Variants in TTLL7 observed in about 807,000 individuals in gnomAD.
The protein encoded by TTLL7 is tubulin tyrosine ligase like 7, also known as tubulin polyglutamylase TTLL7.
A neutral mutation model predicts 120.2 loss-of-function variants in TTLL7; 53 were observed. The ratio of observed to expected loss-of-function variants is 0.44; its 90% CI spans 0.35 to 0.55. The LOEUF is 0.55. Among genes scored for constraint, TTLL7 ranks in the 20% least tolerant of loss-of-function variants. The pLI is 0.00. For synonymous variants in TTLL7, 353 were observed against 351.7 expected (o/e 1.00, Z -0.04); for missense variants, 803 against 1,054.7 (o/e 0.76, Z 3.31).
At chr1:83,932,192 T>G (rs891746489) in intron 9 of TTLL7, among the ~76,000 whole-genome samples, 9 of 152,144 alleles carry the variant, frequency 5.9e-5, no homozygotes, top group East Asian at 1.9e-4. Context: ...AACTAAGATA[T>G]CTATAAAGTC....
At chr1:83,986,421 C>T (rs1157541541) in intron 1 of TTLL7, among the ~76,000 whole-genome samples, 2 of 152,162 alleles carry the variant, frequency 1.3e-5, no homozygotes, top group Non-Finnish European at 2.9e-5. Flanking sequence ...ATCCAACATT[C>T]ATTCAGGATA....
intron 1 of TTLL7, among the ~76,000 whole-genome samples, chr1:83,956,339 G>A (rs1035474116): frequency 2.6e-5 from 4 of 151,024 alleles, no homozygotes; most frequent in African/African-American, 9.7e-5. Flanking sequence ...TGACCAGGCT[G>A]GTCTCAAACT....
intron 6 of TTLL7, among the ~76,000 whole-genome samples, chr1:83,946,901 CT>C (rs1648558439): frequency 6.6e-6 from 1 of 152,058 alleles, no homozygotes; most frequent in African/African-American, 2.4e-5. Context: ...CTTTCAAAGC[CT>C]CACAACCTGC....
intron 13 of TTLL7, 116 bp from the exon 14 acceptor site, chr1:83,917,806 G>C (rs370404842): frequency 1.4e-6 from 1 of 689,730 alleles, no homozygotes; most frequent in South Asian, 1.9e-5. Context: ...ATTTAGTGAA[G>C]ATTGCTCAGA....
chr1:83,994,509 T>C (rs1463539672), intron 1 of TTLL7, among the ~76,000 whole-genome samples: 1 of 152,176 alleles, frequency 6.6e-6, no homozygotes, highest in Non-Finnish European at 1.5e-5. Context: ...TAGAGGAAAC[T>C]GAAGCACAGT....
chr1:83,918,878 T>A (rs1372651080), intron 13 of TTLL7, among the ~76,000 whole-genome samples: 1 of 152,128 alleles, frequency 6.6e-6, no homozygotes, highest in African/African-American at 2.4e-5. Context: ...TAGGCAGAGA[T>A]CAAGTCTAAA....
At chr1:83,920,077 C>A (rs978013823) in intron 12 of TTLL7, among the ~76,000 whole-genome samples, 3 of 152,110 alleles carry the variant, frequency 2.0e-5, no homozygotes, top group African/African-American at 7.2e-5. Context: ...TGACTGGGCA[C>A]TAATTAATAA....
At chr1:83,987,549 C>T (rs1210834063) in intron 1 of TTLL7, among the ~76,000 whole-genome samples, 2 of 151,720 alleles carry the variant, frequency 1.3e-5, no homozygotes, top group Non-Finnish European at 2.9e-5. Flanking sequence ...ATCATCATTA[C>T]ATAGTCTCAA....
At position 83,865,324 on chromosome 1, in the gene TTLL7, G is replaced by A. The variant is rs1254499674; in HGVS notation, c.*4638C>T. 6.6e-6 allele frequency: 1 copy of A among 151,968 alleles called. No homozygotes were observed. The highest frequency in any genetic ancestry group is 1.5e-5 in the Non-Finnish European group (1 of 67,910). The allele number at this position is 151,968 out of a possible 1,614,324, so 9.4% of individuals were successfully genotyped here. ...TGTTGTAGCATGTACAGTAGTTATT[G>A]TATGAACTGAATAGCTCAGGACCAA... On this transcript the variant is annotated 3_prime_UTR_variant, in exon 21 of 21. Transcript: ENST00000260505.
At chr1:83,871,082 A>G (rs1251971317) in intron 20 of TTLL7, among the ~76,000 whole-genome samples, 1 of 149,926 alleles carries the variant, frequency 6.7e-6, no homozygotes, top group African/African-American at 2.4e-5. Flanking sequence ...AGTAATATTT[A>G]TATTACTCAC....
At chr1:83,903,073 T>C (rs1238849019) in intron 18 of TTLL7, among the ~76,000 whole-genome samples, 1 of 151,996 alleles carries the variant, frequency 6.6e-6, no homozygotes, top group East Asian at 1.9e-4. Context: ...TAACAGGCTA[T>C]GTAACTTCTT....
intron 1 of TTLL7, among the ~76,000 whole-genome samples, chr1:83,991,179 CA>C (rs1159477704): frequency 6.6e-6 from 1 of 151,968 alleles, no homozygotes; most frequent in African/African-American, 2.4e-5. Flanking sequence ...TAGTGGTTAC[CA>C]GGGGCAGAGG....
At chr1:83,903,685 G>C (rs564038403) in intron 18 of TTLL7, among the ~76,000 whole-genome samples, 4 of 151,764 alleles carry the variant, frequency 2.6e-5, no homozygotes, top group African/African-American at 4.8e-5. Flanking sequence ...TAGGGATAAT[G>C]ACAAGGGAAA....
intron 1 of TTLL7, among the ~76,000 whole-genome samples, chr1:83,990,237 G>A (rs1041363813): frequency 4.0e-5 from 6 of 148,952 alleles, no homozygotes; most frequent in South Asian, 2.1e-4. Context: ...CTGCAGTGGC[G>A]CAATCTCGGC....
intron 14 of TTLL7, 141 bp downstream of exon 14, chr1:83,917,463 A>G (rs1337032405): frequency 1.7e-6 from 1 of 585,834 alleles, no homozygotes; most frequent in Non-Finnish European, 3.0e-6. Context: ...AGGTATCATC[A>G]TCTTCCAAAC....
At chr1:83,958,685 T>C (rs1284960687) in intron 1 of TTLL7, among the ~76,000 whole-genome samples, 1 of 152,230 alleles carries the variant, frequency 6.6e-6, no homozygotes, top group Non-Finnish European at 1.5e-5. Context: ...TTTTCTCATA[T>C]GAAAGAGAAT....
At chr1:83,968,982 G>C (rs567414591) in intron 1 of TTLL7, among the ~76,000 whole-genome samples, 2 of 151,940 alleles carry the variant, frequency 1.3e-5, no homozygotes, top group Admixed American at 6.6e-5. Context: ...GAACATAGTA[G>C]GTACTCCATA....
chr1:83,959,482 G>T (rs899359070), intron 1 of TTLL7, among the ~76,000 whole-genome samples: 1 of 152,116 alleles, frequency 6.6e-6, no homozygotes, highest in Admixed American at 6.6e-5. Flanking sequence ...GCTTTGGAAA[G>T]CATCTGGAAA....
Position 83,907,570 on chromosome 1 carries a change from C to A in TTLL7, c.1878G>T (p.Met626Ile), listed in dbSNP as rs774452236. 1.9e-6 allele frequency: 3 copies of A among 1,613,224 alleles called. No homozygotes were observed. The African/African-American group carries it at 4.0e-5, about 22-fold the overall frequency. Residue 626 changes from methionine to isoleucine, a missense_variant, in exon 16 of 21, where the codon ATG (methionine) becomes ATT (isoleucine). Transcript: ENST00000260505. ...GDTRPFSAQQ[M>I]ISVSRPTSAS... is the part of the protein sequence containing the mutation. ...CAGAAGTTGGCCGTGACACAGATAT[C>A]ATTTGTTGAGCAGAAAATGGGCGGG... is the stretch of plus-strand genomic sequence containing the variant.
Sources: allele counts gnomAD v4.1 joint callset (sites outside exome capture counted in the v4.1 genomes callset), GRCh38; gene constraint gnomAD v4.1.1; transcripts MANE v1.5; gene names NCBI Gene and HGNC (gene_info 2026-07-23, HGNC 2026-07-21).